The following PDE9A variants were observed in gnomAD, a reference collection of about 807,000 sequenced individuals.
The protein encoded by PDE9A is phosphodiesterase 9A, also known as high affinity cGMP-specific 3',5'-cyclic phosphodiesterase 9A.
PDE9A carries 60 observed loss-of-function variants against 87.4 expected under a neutral mutation model. That is an observed-to-expected ratio of 0.69 (90% confidence interval 0.56 to 0.85). The LOEUF (loss-of-function observed/expected upper bound fraction) is 0.85, where lower values mean the gene tolerates loss of function less well. PDE9A is among the 40% of genes least tolerant of loss of function. The probability of loss-of-function intolerance (pLI) is 0.00; values close to 1 mark genes in which losing one functional copy is unlikely to be tolerated. For missense variants in PDE9A, 665 were observed against 779.0 expected (o/e 0.85, Z 1.74); for synonymous variants, 272 against 279.4 (o/e 0.97, Z 0.27).
chr21:42,754,152 T>A, intron 10 of PDE9A, 88 bp downstream of exon 10: 1 of 708,664 alleles, frequency 1.4e-6, no homozygotes, highest in Non-Finnish European at 2.5e-6. Context: ...TCGCTCTTCC[T>A]CCTTCTTGCT....
intron 7 of PDE9A, among the ~76,000 whole-genome samples, chr21:42,736,172 C>T (rs1039958059): frequency 1.3e-5 from 2 of 152,116 alleles, no homozygotes; most frequent in Non-Finnish European, 2.9e-5. Flanking sequence ...CCATGCTCTT[C>T]CCGGAAAGTG....
chr21:42,768,987 T>C, intron 16 of PDE9A, 40 bp from the exon 17 acceptor site: 1 of 1,581,534 alleles, frequency 6.3e-7, no homozygotes, highest in Admixed American at 1.7e-5. Flanking sequence ...TTATGGGGCA[T>C]TTCTGTCTCT....
Position 42,751,179 on chromosome 21 carries a change from T to C in PDE9A, c.717T>C (p.Asp239=). Residue 239 remains aspartate, a synonymous_variant, in exon 9 of 20, where the codon GAT becomes GAC. Transcript: ENST00000291539. ...DNHKKLTPRR[D]VPTYPKYLLS... is the part of the protein sequence containing the mutation. ...ACAAGAAGTTGACTCCTCGACGCGA[T>C]GTTCCCACTTACCCCAAGGTAAGAT... 6.2e-7 allele frequency: 1 copy of C among 1,611,818 alleles called. No individual in the cohort carries two copies. Among genetic ancestry groups the C allele is most frequent in the Non-Finnish European group, 8.5e-7 (1 of 1,177,960 alleles).
intron 1 of PDE9A, among the ~76,000 whole-genome samples, chr21:42,685,616 G>T (rs2059419122): frequency 6.6e-6 from 1 of 151,876 alleles, no homozygotes; most frequent in East Asian, 1.9e-4. Context: ...ACAGGCACCT[G>T]CCACCACGCC....
intron 1 of PDE9A, among the ~76,000 whole-genome samples, chr21:42,683,744 G>C (rs2059296345): frequency 6.6e-6 from 1 of 152,316 alleles, no homozygotes; most frequent in African/African-American, 2.4e-5. Context: ...GGTCTTGCTG[G>C]TAGGTGCACC....
intron 19 of PDE9A, among the ~76,000 whole-genome samples, chr21:42,775,056 C>T (rs1384868678): frequency 2.0e-5 from 3 of 151,614 alleles, no homozygotes; most frequent in Non-Finnish European, 4.4e-5. Context: ...ATTCTCCTGT[C>T]TCAGCCTCCC....
At chr21:42,738,662 A>G (rs754585477) in intron 7 of PDE9A, among the ~76,000 whole-genome samples, 5 of 152,180 alleles carry the variant, frequency 3.3e-5, no homozygotes, top group Non-Finnish European at 7.3e-5. Flanking sequence ...GAAGCTCACA[A>G]AAATCTCTTT....
At position 42,769,558 on chromosome 21, in the gene PDE9A, G is replaced by A. The variant is rs868802662; in HGVS notation, c.1590+403G>A. Among the ~76,000 whole-genome samples the A allele has an allele frequency of 2.1e-3, 272 of 130,226 alleles. 7 individuals carry two copies. Among genetic ancestry groups the A allele is most frequent in the Middle Eastern group, 0.014 (3 of 208 alleles). The allele number at this position is 130,226 out of a possible 152,430, so 85.4% of individuals were successfully genotyped here. ...CACAGGCACACAAATGCACACACAG[G>A]CACACACACACACACACATGCACAC... On this transcript the variant is annotated intron_variant, in intron 17 of 19. Transcript: ENST00000291539.
intron 9 of PDE9A, among the ~76,000 whole-genome samples, chr21:42,752,168 C>T (rs1174357036): frequency 6.6e-6 from 1 of 152,224 alleles, no homozygotes; most frequent in Non-Finnish European, 1.5e-5. Context: ...CAGAGCCTTC[C>T]ACAGCCTCCA....
At chr21:42,658,755 TCTGCCTG>T (rs1446831550) in intron 1 of PDE9A, among the ~76,000 whole-genome samples, 1 of 152,224 alleles carries the variant, frequency 6.6e-6, no homozygotes, top group Non-Finnish European at 1.5e-5. Flanking sequence ...CTATCATCTG[TCTGCCTG>T]TTACATGTTT....
intron 3 of PDE9A, among the ~76,000 whole-genome samples, chr21:42,690,300 A>G (rs2059742705): frequency 6.6e-6 from 1 of 152,146 alleles, no homozygotes; most frequent in African/African-American, 2.4e-5. Flanking sequence ...TTAGACGCGG[A>G]TGAGGATATA....
chr21:42,749,524 C>T (rs538588118), intron 8 of PDE9A, among the ~76,000 whole-genome samples: 15 of 152,360 alleles, frequency 9.8e-5, no homozygotes, highest in Non-Finnish European at 1.2e-4. Context: ...ACTGCCCAAC[C>T]GGAAGGTGGC....
chr21:42,772,290 A>C, intron 18 of PDE9A, 149 bp from the exon 19 acceptor site: 3 of 604,162 alleles, frequency 5.0e-6, no homozygotes, highest in Non-Finnish European at 5.9e-6. Context: ...TGAAAAGCCC[A>C]TGTCAGGAGT....
intron 3 of PDE9A, among the ~76,000 whole-genome samples, chr21:42,697,863 G>A (rs2060227195): frequency 6.6e-6 from 1 of 152,174 alleles, no homozygotes. Context: ...TGGGGTGGGG[G>A]TGCCTCAACA....
At chr21:42,754,184 C>T in intron 10 of PDE9A, 120 bp downstream of exon 10, 2 of 525,410 alleles carry the variant, frequency 3.8e-6, no homozygotes, top group Non-Finnish European at 3.3e-6. Flanking sequence ...TTTTTAAAGA[C>T]TGAAAAAAAA....
chr21:42,670,251 A>ACACT (rs1569116850), intron 1 of PDE9A, among the ~76,000 whole-genome samples: 11 of 134,124 alleles, frequency 8.2e-5, no homozygotes, highest in African/African-American at 3.1e-4. Flanking sequence ...TCATACACAT[A>ACACT]CATACATTCA....
At chr21:42,685,483 T>TTTTTTTTTTA (rs71190435) in intron 1 of PDE9A, among the ~76,000 whole-genome samples, 1 of 149,968 alleles carries the variant, frequency 6.7e-6, no homozygotes, top group African/African-American at 2.5e-5. Context: ...TTTTTTTTTT[T>TTTTTTTTTTA]GAGACGGAGT....
Position 42,704,178 on chromosome 21 carries a change from G to A in PDE9A, c.262+5167G>A. ...GATGAGCGGCCACACGGAAGGCCAG[G>A]CTGGGTGTCCCTCCGGGCCAGCCGA... is the stretch of plus-strand genomic sequence containing the variant. On this transcript the variant is annotated intron_variant, in intron 4 of 19. Transcript: ENST00000291539. This position sits in a 1 kb window ranked among gnomAD's most constrained non-coding sequence, Gnocchi z 5.3. 6.6e-6 allele frequency among the ~76,000 whole-genome samples: 1 copy of A among 152,220 alleles called. No homozygotes were observed. Among genetic ancestry groups the A allele is most frequent in the East Asian group, 1.9e-4 (1 of 5,184 alleles).
At chr21:42,673,376 A>G (rs1175669959) in intron 1 of PDE9A, among the ~76,000 whole-genome samples, 1 of 152,170 alleles carries the variant, frequency 6.6e-6, no homozygotes, top group Non-Finnish European at 1.5e-5. Flanking sequence ...GGTGGAACAG[A>G]GCCAGCTAGG....
Sources: gnomAD v4.1 joint callset for allele counts (sites outside exome capture counted in the v4.1 genomes callset) on GRCh38, gnomAD v4.1.1 for gene constraint, Gnocchi (gnomAD v3.1) non-coding constraint, MANE v1.5 for transcripts, NCBI Gene and HGNC (gene_info 2026-07-23, HGNC 2026-07-21) for gene names.